C9: variants seen among roughly 807,000 people sequenced by gnomAD.
The protein encoded by C9 is complement component C9.
A neutral mutation model predicts 65.4 loss-of-function variants in C9; 63 were observed. The ratio of observed to expected loss-of-function variants is 0.96; its 90% CI spans 0.79 to 1.19. C9 has a LOEUF of 1.19. Ranked by LOEUF, C9 falls within the 50% of genes most tolerant of loss-of-function variation. The pLI is 0.00. For synonymous variants in C9, 229 were observed against 227.9 expected, an observed-to-expected ratio of 1.00 and a Z score of -0.04; for missense variants, 744 against 670.1, an observed-to-expected ratio of 1.11 and a Z score of -1.22.
At chr5:39,333,801 A>T (rs1032743220) in intron 4 of C9, among the ~76,000 whole-genome samples, 1 of 148,576 alleles carries the variant, frequency 6.7e-6, no homozygotes, top group Non-Finnish European at 1.5e-5. Flanking sequence ...TTTGGTGGAG[A>T]CGGGGTTTCG....
chr5:39,299,567 T>C (rs956841705), intron 9 of C9, among the ~76,000 whole-genome samples: 1 of 152,118 alleles, frequency 6.6e-6, no homozygotes, highest in Non-Finnish European at 1.5e-5. Flanking sequence ...TGGATGGATC[T>C]CAAATGTGTA....
chr5:39,306,478 C>G, intron 9 of C9, 139 bp downstream of exon 9: 1 of 726,070 alleles, frequency 1.4e-6, no homozygotes, highest in South Asian at 1.6e-5. Flanking sequence ...CTATGCCATG[C>G]CTCCTTTTGG....
intron 9 of C9, among the ~76,000 whole-genome samples, chr5:39,305,376 T>G (rs1243671036): frequency 2.6e-5 from 4 of 152,156 alleles, no homozygotes; most frequent in African/African-American, 9.7e-5. Context: ...ATAAAGGAGA[T>G]AGTGGTTTCA....
At chr5:39,346,596 G>A (rs1754198956) in intron 1 of C9, among the ~76,000 whole-genome samples, 1 of 152,178 alleles carries the variant, frequency 6.6e-6, no homozygotes, top group African/African-American at 2.4e-5. Context: ...AGAGGTACAA[G>A]GAGGAGCTGC....
chr5:39,327,265 T>C (rs3887363), intron 5 of C9, among the ~76,000 whole-genome samples: 4,563 of 152,216 alleles, frequency 0.03, 212 homozygotes, highest in African/African-American at 0.1. Context: ...TCAAGGAGAA[T>C]GATCAGATTT....
intron 4 of C9, among the ~76,000 whole-genome samples, chr5:39,334,410 G>A (rs1345884188): frequency 2.7e-5 from 4 of 149,538 alleles, no homozygotes; most frequent in African/African-American, 2.5e-5. Flanking sequence ...GAGCCCCTCC[G>A]CCCGGCAGCC....
At chr5:39,319,446 G>A (rs1217056332) in intron 5 of C9, among the ~76,000 whole-genome samples, 1 of 152,034 alleles carries the variant, frequency 6.6e-6, no homozygotes, top group Non-Finnish European at 1.5e-5. Flanking sequence ...CCCAGAATGA[G>A]GCTGGTCTCT....
chr5:39,330,353 C>T (rs868250502), intron 5 of C9, among the ~76,000 whole-genome samples: 47 of 152,306 alleles, frequency 3.1e-4, no homozygotes, highest in South Asian at 1.5e-3. Flanking sequence ...AGCAGTGCTT[C>T]CTTTCCAAAC....
chr5:39,318,840 G>T (rs1050325228), intron 5 of C9, among the ~76,000 whole-genome samples: 1 of 152,138 alleles, frequency 6.6e-6, no homozygotes, highest in African/African-American at 2.4e-5. Flanking sequence ...GCATAACAGG[G>T]AAAAGCAAAC....
chr5:39,343,105 G>T (rs1023665551), intron 1 of C9, among the ~76,000 whole-genome samples: 10 of 152,140 alleles, frequency 6.6e-5, no homozygotes, highest in Admixed American at 2.6e-4. Flanking sequence ...CGTGAGTGAC[G>T]GAGAAGTCAG....
chr5:39,340,574 C>A (rs1754058296), intron 4 of C9, among the ~76,000 whole-genome samples: 1 of 152,210 alleles, frequency 6.6e-6, no homozygotes, highest in African/African-American at 2.4e-5. Context: ...CTGTCCAGAG[C>A]CCCTAGGTTT....
At chr5:39,327,334 A>G (rs1269906199) in intron 5 of C9, among the ~76,000 whole-genome samples, 1 of 152,246 alleles carries the variant, frequency 6.6e-6, no homozygotes, top group Non-Finnish European at 1.5e-5. Flanking sequence ...TAGAGGCTGT[A>G]AACTAAGAAC....
chr5:39,344,377 A>G (rs576250568), intron 1 of C9, among the ~76,000 whole-genome samples: 1 of 152,370 alleles, frequency 6.6e-6, no homozygotes, highest in South Asian at 2.1e-4. Context: ...TGATGAATGC[A>G]CAAGCTTCAG....
At chr5:39,356,900 A>G (rs969589256) in intron 1 of C9, among the ~76,000 whole-genome samples, 3 of 152,226 alleles carry the variant, frequency 2.0e-5, no homozygotes, top group African/African-American at 7.2e-5. Flanking sequence ...TATTAGGCTG[A>G]GTGGAGAAGT....
At chr5:39,329,075 T>C (rs539628629) in intron 5 of C9, among the ~76,000 whole-genome samples, 1 of 152,326 alleles carries the variant, frequency 6.6e-6, no homozygotes, top group East Asian at 1.9e-4. Flanking sequence ...AAACCTGATT[T>C]AGGCTTACAA....
intron 4 of C9, among the ~76,000 whole-genome samples, chr5:39,332,119 C>T (rs1753855461): frequency 6.6e-6 from 1 of 152,180 alleles, no homozygotes; most frequent in Non-Finnish European, 1.5e-5. Flanking sequence ...AACTTCACTG[C>T]TGTAACTCTT....
At chr5:39,345,483 T>A (rs889880661) in intron 1 of C9, among the ~76,000 whole-genome samples, 1 of 152,162 alleles carries the variant, frequency 6.6e-6, no homozygotes, top group African/African-American at 2.4e-5. Context: ...CTATCCTAAA[T>A]ACATATGCAC....
intron 4 of C9, among the ~76,000 whole-genome samples, chr5:39,339,979 A>G (rs1203870921): frequency 6.6e-6 from 1 of 152,024 alleles, no homozygotes; most frequent in African/African-American, 2.4e-5. Context: ...GCTGGGGGAA[A>G]AATTACCACT....
intron 1 of C9, among the ~76,000 whole-genome samples, chr5:39,361,758 C>T (rs1358740745): frequency 6.6e-6 from 1 of 152,090 alleles, no homozygotes; most frequent in East Asian, 1.9e-4. Context: ...ATGATGTCCC[C>T]CTCATGGCCA....
Sources: allele counts gnomAD v4.1 joint callset (sites outside exome capture counted in the v4.1 genomes callset), GRCh38; gene constraint gnomAD v4.1.1; transcripts MANE v1.5; gene names NCBI Gene and HGNC (gene_info 2026-07-23, HGNC 2026-07-21).